KCNN2: variants seen among roughly 807,000 people sequenced by gnomAD.
KCNN2 encodes the protein small conductance calcium-activated potassium channel protein 2.
Under a neutral mutation model 55.5 loss-of-function variants are expected in KCNN2, and 24 were observed. The observed-to-expected ratio is 0.43, with a 90% confidence interval of 0.31 to 0.61. The LOEUF (loss-of-function observed/expected upper bound fraction) is 0.61. KCNN2 is among the 20% of genes least tolerant of loss of function. The pLI is 0.08. For synonymous variants in KCNN2, 431 were observed against 336.1 expected, an observed-to-expected ratio of 1.28 and a Z score of -3.09; for missense variants, 754 against 853.6, an observed-to-expected ratio of 0.88 and a Z score of 1.45.
At chr5:114,298,460 C>G (rs549227540) in intron 2 of KCNN2, among the ~76,000 whole-genome samples, 3 of 152,288 alleles carry the variant, frequency 2.0e-5, no homozygotes, top group Non-Finnish European at 4.4e-5. Context: ...GTGGCAATCC[C>G]AGCATACCCT....
At chr5:114,239,408 C>T (rs1240268638) in intron 2 of KCNN2, among the ~76,000 whole-genome samples, 1 of 152,094 alleles carries the variant, frequency 6.6e-6, no homozygotes, top group African/African-American at 2.4e-5. Context: ...TATTTAGGAG[C>T]TAAATACTGG....
intron 2 of KCNN2, among the ~76,000 whole-genome samples, chr5:114,380,941 C>G (rs142972920): frequency 9.5e-4 from 145 of 152,268 alleles, no homozygotes; most frequent in Non-Finnish European, 1.5e-3. Context: ...GCTGAGCAGC[C>G]TCGTGAACAG....
At chr5:114,277,712 C>G (rs970438560) in intron 2 of KCNN2, among the ~76,000 whole-genome samples, 2 of 152,144 alleles carry the variant, frequency 1.3e-5, no homozygotes, top group Non-Finnish European at 2.9e-5. Flanking sequence ...CTTCTCTACA[C>G]TGTTTATTCT....
intron 1 of KCNN2, among the ~76,000 whole-genome samples, chr5:114,158,597 A>T (rs976870187): frequency 6.6e-6 from 1 of 151,778 alleles, no homozygotes; most frequent in Non-Finnish European, 1.5e-5. Flanking sequence ...CTTGGGCAGT[A>T]TGGCCATTTT....
chr5:114,128,956 A>G (rs1329483882), intron 1 of KCNN2, among the ~76,000 whole-genome samples: 3 of 152,202 alleles, frequency 2.0e-5, no homozygotes, highest in Admixed American at 1.3e-4. Context: ...TGCTACATGT[A>G]TTGGTCAAGG....
intron 2 of KCNN2, among the ~76,000 whole-genome samples, chr5:114,395,250 C>G (rs1466764496): frequency 6.6e-6 from 1 of 152,158 alleles, no homozygotes; most frequent in Non-Finnish European, 1.5e-5. Context: ...CTGGTCAGTG[C>G]TAACTAATCT....
At chr5:114,076,855 G>T (rs1216852458) in intron 1 of KCNN2, among the ~76,000 whole-genome samples, 2 of 151,842 alleles carry the variant, frequency 1.3e-5, no homozygotes, top group Non-Finnish European at 2.9e-5. Flanking sequence ...CAACATGCCC[G>T]GCTAATTTTT....
At chr5:114,449,181 G>A (rs1356992011) in intron 3 of KCNN2, among the ~76,000 whole-genome samples, 4 of 151,968 alleles carry the variant, frequency 2.6e-5, no homozygotes, top group Admixed American at 1.3e-4. Flanking sequence ...ACCCTATGTT[G>A]CTCCTGCCTT....
intron 2 of KCNN2, among the ~76,000 whole-genome samples, chr5:114,238,279 T>A (rs1398314295): frequency 6.6e-6 from 1 of 152,338 alleles, no homozygotes; most frequent in East Asian, 1.9e-4. Flanking sequence ...ATATACACTA[T>A]TTCCATGAAG....
intron 3 of KCNN2, among the ~76,000 whole-genome samples, chr5:114,405,342 G>A (rs949226654): frequency 6.6e-6 from 1 of 152,142 alleles, no homozygotes; most frequent in Non-Finnish European, 1.5e-5. Context: ...TTGATAAGGA[G>A]GTTATGGGTA....
intron 2 of KCNN2, among the ~76,000 whole-genome samples, chr5:114,326,405 G>C (rs1756715184): frequency 6.6e-6 from 1 of 152,200 alleles, no homozygotes. Flanking sequence ...GGTGTGAGTA[G>C]TAAGTGATGG....
At chr5:114,461,152 A>G (rs1761171663) in intron 3 of KCNN2, among the ~76,000 whole-genome samples, 1 of 152,200 alleles carries the variant, frequency 6.6e-6, no homozygotes. Flanking sequence ...AATCCTGCTT[A>G]GCTCATATTG....
At chr5:114,426,241 C>A (rs1212044860) in intron 3 of KCNN2, among the ~76,000 whole-genome samples, 1 of 152,112 alleles carries the variant, frequency 6.6e-6, no homozygotes, top group Non-Finnish European at 1.5e-5. Context: ...TTGAACAAAT[C>A]CAAAGGGTGG....
chr5:114,402,858 A>C (rs756623967), intron 2 of KCNN2, among the ~76,000 whole-genome samples: 1 of 152,220 alleles, frequency 6.6e-6, no homozygotes, highest in Non-Finnish European at 1.5e-5. Flanking sequence ...GTAAAGGATG[A>C]TGCTGCTGAG....
chr5:114,165,991 C>G (rs1442058879), intron 1 of KCNN2, among the ~76,000 whole-genome samples: 1 of 151,956 alleles, frequency 6.6e-6, no homozygotes, highest in Non-Finnish European at 1.5e-5. Flanking sequence ...AATAAGCTGC[C>G]TATATGTCTT....
chr5:114,400,011 A>G (rs1474352293), intron 2 of KCNN2, among the ~76,000 whole-genome samples: 1 of 117,410 alleles, frequency 8.5e-6, no homozygotes, highest in Non-Finnish European at 1.8e-5. Flanking sequence ...GATCTTCTCT[A>G]TTTTCTTTAT....
At chr5:114,493,341 G>A in intron 6 of KCNN2, 62 bp from the exon 7 acceptor site, 2 of 1,001,484 alleles carry the variant, frequency 2.0e-6, no homozygotes, top group South Asian at 1.3e-5. Context: ...CATGCTCTTT[G>A]GAAGGCATAA....
chr5:114,417,257 G>A (rs1759333996), intron 3 of KCNN2, among the ~76,000 whole-genome samples: 1 of 152,164 alleles, frequency 6.6e-6, no homozygotes, highest in African/African-American at 2.4e-5. Context: ...ATGGTGACCA[G>A]CCCTTAGAAT....
intron 1 of KCNN2, among the ~76,000 whole-genome samples, chr5:114,160,786 G>A (rs535547171): frequency 1.8e-3 from 266 of 149,922 alleles, no homozygotes; most frequent in African/African-American, 6.6e-3. Context: ...TTTGATCTTT[G>A]TTGGTTTAAA....
Sources: gnomAD v4.1 joint callset for allele counts (sites outside exome capture counted in the v4.1 genomes callset) on GRCh38, gnomAD v4.1.1 for gene constraint, MANE v1.5 for transcripts, NCBI Gene and HGNC (gene_info 2026-07-23, HGNC 2026-07-21) for gene names.